The following DSCAM variants were observed in gnomAD, a reference collection of about 807,000 sequenced individuals.
DSCAM encodes the protein DS cell adhesion molecule.
Under a neutral mutation model 217.7 loss-of-function variants are expected in DSCAM, and 47 were observed. The ratio of observed to expected loss-of-function variants is 0.22; its 90% CI spans 0.17 to 0.28. DSCAM has a LOEUF of 0.28. DSCAM is among the 10% of genes least tolerant of loss of function. DSCAM has a pLI of 1.00. For synonymous variants in DSCAM, 1,056 were observed against 1,015.3 expected, an observed-to-expected ratio of 1.04 and a Z score of -0.76; for missense variants, 2,080 against 2,618.3, an observed-to-expected ratio of 0.79 and a Z score of 4.49.
intron 2 of DSCAM, among the ~76,000 whole-genome samples, chr21:40,704,603 C>A (rs185184144): frequency 3.3e-5 from 5 of 151,736 alleles, no homozygotes; most frequent in Non-Finnish European, 5.9e-5. Context: ...TGCCTGTAGC[C>A]GCAGCTACTT....
At chr21:40,598,497 G>GTTTTTTTTTTTTTTTTTTT (rs71186947) in intron 3 of DSCAM, among the ~76,000 whole-genome samples, 1 of 66,790 alleles carries the variant, frequency 1.5e-5, no homozygotes, top group Non-Finnish European at 2.6e-5. Flanking sequence ...CTGCCAAACT[G>GTTTTTTTTTTTTTTTTTTT]TTTTTTTTTT....
intron 1 of DSCAM, 85 bp from the exon 2 acceptor site, chr21:40,708,856 T>C (rs1008061618): frequency 1.9e-6 from 2 of 1,032,240 alleles, no homozygotes; most frequent in Non-Finnish European, 2.6e-6. Context: ...CAGAAAGTTA[T>C]CCTGAAAATT....
chr21:40,228,790 C>T (rs574145459), intron 11 of DSCAM, among the ~76,000 whole-genome samples: 1 of 151,972 alleles, frequency 6.6e-6, no homozygotes, highest in East Asian at 1.9e-4. Context: ...TTGGAAAATC[C>T]TATTAGAAAC....
At chr21:40,442,517 G>GTT (rs35821647) in intron 3 of DSCAM, among the ~76,000 whole-genome samples, 19 of 41,876 alleles carry the variant, frequency 4.5e-4, no homozygotes, top group African/African-American at 7.2e-4. Context: ...TTTTTTTTTT[G>GTT]TTTTTTTTTT....
At chr21:40,305,694 A>G (rs1304892248) in intron 9 of DSCAM, among the ~76,000 whole-genome samples, 3 of 149,826 alleles carry the variant, frequency 2.0e-5, no homozygotes, top group African/African-American at 5.1e-5. Context: ...TTTATTAAAT[A>G]GGGAATCCTT....
At chr21:40,380,490 CAAAG>C (rs1327439060) in intron 3 of DSCAM, among the ~76,000 whole-genome samples, 2 of 152,064 alleles carry the variant, frequency 1.3e-5, no homozygotes, top group African/African-American at 4.8e-5. Context: ...AGTACATTGA[CAAAG>C]AAAATAAATC....
At chr21:40,145,452 T>C (rs542208367) in intron 16 of DSCAM, among the ~76,000 whole-genome samples, 45 of 152,100 alleles carry the variant, frequency 3.0e-4, no homozygotes, top group Non-Finnish European at 6.5e-4. Flanking sequence ...AGAGAGAGGC[T>C]GGTGCTAACT....
rs1343900750 is a variant in DSCAM at position 40,199,212 on chromosome 21, T to A, written c.2357-9974A>T. On this transcript the variant is annotated intron_variant, in intron 11 of 32. Coordinates refer to ENST00000400454, the MANE Select transcript of DSCAM (RefSeq NM_001389.5). ...TCCCAAGCCACTCAATACATCACGA[T>A]TATCTTTCATTAAACCTGTGGTCCC... Among the ~76,000 whole-genome samples the A allele has an allele frequency of 7.2e-5, 11 of 152,166 alleles. No individual in the cohort carries two copies. In the South Asian group the frequency reaches 1.9e-3, roughly 26 times the overall value.
At chr21:40,055,645 T>C (rs2089003492) in intron 29 of DSCAM, 80 bp downstream of exon 29, 1 of 1,044,684 alleles carries the variant, frequency 9.6e-7, no homozygotes, top group East Asian at 2.4e-5. Flanking sequence ...TGTCTAATAT[T>C]TCCCACATCC....
intron 1 of DSCAM, among the ~76,000 whole-genome samples, chr21:40,833,659 A>G (rs556106342): frequency 2.6e-5 from 4 of 152,222 alleles, no homozygotes; most frequent in Non-Finnish European, 5.9e-5. Context: ...ATAGCAAATA[A>G]AGTTAATCAA....
intron 32 of DSCAM, among the ~76,000 whole-genome samples, chr21:40,019,433 TAGC>T (rs2088222447): frequency 3.3e-5 from 5 of 152,306 alleles, no homozygotes; most frequent in African/African-American, 1.2e-4. Flanking sequence ...ATGGGAGTAA[TAGC>T]AGAATCTAGC....
At chr21:40,842,090 TCTG>T (rs1468263857) in intron 1 of DSCAM, among the ~76,000 whole-genome samples, 2 of 152,116 alleles carry the variant, frequency 1.3e-5, no homozygotes, top group African/African-American at 4.8e-5. Context: ...GTTTGCTGGC[TCTG>T]CTGAAGGCTG....
chr21:40,390,485 T>A (rs2075124128), intron 3 of DSCAM, among the ~76,000 whole-genome samples: 1 of 152,232 alleles, frequency 6.6e-6, no homozygotes, highest in Admixed American at 6.5e-5. Flanking sequence ...CCTTCTGATG[T>A]GGCATCCACA....
intron 11 of DSCAM, among the ~76,000 whole-genome samples, chr21:40,232,918 T>C (rs1233677524): frequency 6.6e-6 from 1 of 152,104 alleles, no homozygotes; most frequent in Non-Finnish European, 1.5e-5. Flanking sequence ...TGTTAGATAA[T>C]TGGAGTATTT....
At chr21:40,476,904 T>C (rs1214942826) in intron 3 of DSCAM, among the ~76,000 whole-genome samples, 10 of 152,202 alleles carry the variant, frequency 6.6e-5, no homozygotes, top group Admixed American at 5.9e-4. Context: ...AACGTTTACT[T>C]TCTCACCTTA....
intron 3 of DSCAM, among the ~76,000 whole-genome samples, chr21:40,684,076 T>C (rs77989984): frequency 1.5e-5 from 2 of 135,598 alleles, no homozygotes; most frequent in South Asian, 2.4e-4. Flanking sequence ...AAAAAAAAAA[T>C]AGCCAGGTGT....
At chr21:40,500,940 A>T (rs979395303) in intron 3 of DSCAM, among the ~76,000 whole-genome samples, 1 of 152,138 alleles carries the variant, frequency 6.6e-6, no homozygotes, top group African/African-American at 2.4e-5. Context: ...TTGGAGAGGC[A>T]ATATGGTAGG....
chr21:40,818,507 C>G (rs1340504769), intron 1 of DSCAM, among the ~76,000 whole-genome samples: 1 of 133,086 alleles, frequency 7.5e-6, no homozygotes, highest in Admixed American at 8.8e-5. Context: ...GATCGCACCA[C>G]TGCACTCCAG....
intron 14 of DSCAM, among the ~76,000 whole-genome samples, chr21:40,182,498 C>T (rs2090817977): frequency 6.6e-6 from 1 of 151,518 alleles, no homozygotes; most frequent in African/African-American, 2.4e-5. Context: ...AAACTGTGGA[C>T]AGGACGGAGG....
Sources: gnomAD v4.1 joint callset for allele counts (sites outside exome capture counted in the v4.1 genomes callset) on GRCh38, gnomAD v4.1.1 for gene constraint, MANE v1.5 for transcripts, NCBI Gene and HGNC (gene_info 2026-07-23, HGNC 2026-07-21) for gene names.